The following THADA variants were observed in gnomAD, a reference collection of about 807,000 sequenced individuals.
The protein encoded by THADA is tRNA (32-2'-O)-methyltransferase regulator THADA.
THADA carries 213 observed loss-of-function variants against 219.8 expected under a neutral mutation model. The observed-to-expected ratio is 0.97, with a 90% CI of 0.87 to 1.09. The LOEUF (loss-of-function observed/expected upper bound fraction) is 1.09, where lower values mean the gene tolerates loss of function less well. Ranked by LOEUF, THADA falls within the 50% of genes least tolerant of loss-of-function variation. The pLI, the probability that THADA is intolerant of heterozygous loss-of-function variation, is 0.00. For synonymous variants in THADA, 1,018 were observed against 828.9 expected (o/e 1.23, Z -3.92); for missense variants, 2,956 against 2,311.3 (o/e 1.28, Z -5.72).
rs1433706123 is a variant in THADA at position 43,584,059 on chromosome 2, AG to A, written c.534-2132del. Among the ~76,000 whole-genome samples the A allele has an allele frequency of 2.8e-3, 421 of 148,256 alleles. 2 individuals carry two copies. The highest frequency in any genetic ancestry group is 0.01 in the African/African-American group (399 of 39,898). ...AATTAAAAAAAAAAAAAAAAAAAAA[AG>A]GAAAAATAAATGAAATAAGCCTGAC... is the stretch of plus-strand genomic sequence containing the variant. On this transcript the variant is annotated intron_variant, in intron 7 of 37. Transcript: ENST00000405975.
chr2:43,437,839 T>C (rs1680314160), intron 26 of THADA, among the ~76,000 whole-genome samples: 1 of 152,182 alleles, frequency 6.6e-6, no homozygotes, highest in Non-Finnish European at 1.5e-5. Context: ...GGGGAGAACA[T>C]TTGTATATAT....
chr2:43,544,324 G>C (rs941810679), intron 20 of THADA, among the ~76,000 whole-genome samples: 5 of 152,192 alleles, frequency 3.3e-5, no homozygotes, highest in South Asian at 2.1e-4. Flanking sequence ...CTCCAGCTTT[G>C]TTCTTTTGGC....
intron 21 of THADA, among the ~76,000 whole-genome samples, chr2:43,532,948 A>G (rs958626461): frequency 4.6e-5 from 7 of 152,252 alleles, no homozygotes; most frequent in African/African-American, 1.7e-4. Flanking sequence ...CAGAGTGAAC[A>G]GACAACCTAC....
chr2:43,426,956 G>A (rs915118078), intron 28 of THADA, among the ~76,000 whole-genome samples: 5 of 152,140 alleles, frequency 3.3e-5, no homozygotes, highest in African/African-American at 1.2e-4. Context: ...ACATATTTAG[G>A]CCTTTGATCC....
rs1218079783 is a variant in THADA at position 43,520,713 on chromosome 2, T to TATATATATACACACAC, written c.3374+7165_3374+7166insGTGTGTGTATATATAT. 4.0e-4 allele frequency among the ~76,000 whole-genome samples: 50 copies of TATATATATACACACAC among 125,116 alleles called. 1 individual carries two copies. The highest frequency in any genetic ancestry group is 1.5e-3 in the African/African-American group (49 of 33,628). 82.1% of individuals were successfully genotyped at this position (125,116 alleles called of 152,430 possible). A position where few individuals can be genotyped will look rare whatever the true frequency, so the allele number is the denominator to read the frequency against. On this transcript the variant is annotated intron_variant, in intron 22 of 37. Transcript: ENST00000405975. ...TCAAATATTTATACGTATATATATATACACACACACACACACACACACACA... is the reference window on the plus strand; with the variant it reads ...TCAAATATTTATACGTATATATATATATATATATACACACACACACACACACACACACACACACACA...
In THADA at chr2:43,465,015, G is replaced by A. The variant is rs556993700; in HGVS notation, c.3836+20219C>T. Among the ~76,000 whole-genome samples, 3 of 152,248 alleles carry A rather than the reference G, an allele frequency of 2.0e-5. No homozygotes were observed. The East Asian group carries it at 5.8e-4, about 29-fold the overall frequency. On this transcript the variant is annotated intron_variant, in intron 26 of 37. Coordinates refer to ENST00000405975, the MANE Select transcript of THADA (RefSeq NM_022065.5). ...AAGATAAAAGCTGGTATATTTGGATGAAAAGAATCTTTTCCCTTAACATAT... is the reference window on the plus strand; with the variant it reads ...AAGATAAAAGCTGGTATATTTGGATAAAAAGAATCTTTTCCCTTAACATAT...
intron 29 of THADA, among the ~76,000 whole-genome samples, chr2:43,396,910 T>C (rs775990044): frequency 6.6e-6 from 1 of 152,166 alleles, no homozygotes; most frequent in Non-Finnish European, 1.5e-5. Flanking sequence ...CATTATAGTA[T>C]AGGTTTATTA....
intron 36 of THADA, among the ~76,000 whole-genome samples, chr2:43,265,708 C>T (rs1388904471): frequency 6.6e-6 from 1 of 152,178 alleles, no homozygotes; most frequent in Non-Finnish European, 1.5e-5. Context: ...CAGGCTGTAA[C>T]TCAAAACTTG....
At chr2:43,571,619 A>C in intron 13 of THADA, 88 bp downstream of exon 13, 1 of 1,373,682 alleles carries the variant, frequency 7.3e-7, no homozygotes. Flanking sequence ...GACCATTCCC[A>C]CACGCTCCCA....
intron 36 of THADA, among the ~76,000 whole-genome samples, chr2:43,248,497 G>T (rs556999558): frequency 4.6e-4 from 70 of 152,218 alleles, no homozygotes; most frequent in African/African-American, 1.6e-3. Context: ...CTCCCAAAGT[G>T]CTGGGATTAT....
chr2:43,487,489 C>T (rs1022591216), intron 25 of THADA, among the ~76,000 whole-genome samples: 24 of 152,128 alleles, frequency 1.6e-4, no homozygotes, highest in African/African-American at 5.3e-4. Context: ...AATAGACTGA[C>T]GGCAGGAGAC....
chr2:43,434,247 G>A (rs1373504745), intron 26 of THADA, among the ~76,000 whole-genome samples: 1 of 152,244 alleles, frequency 6.6e-6, no homozygotes, highest in Non-Finnish European at 1.5e-5. Context: ...GAAACGTAGT[G>A]TGGTAACTGA....
At chr2:43,274,707 C>T (rs897125214) in intron 36 of THADA, among the ~76,000 whole-genome samples, 38 of 152,084 alleles carry the variant, frequency 2.5e-4, no homozygotes, top group African/African-American at 9.2e-4. Flanking sequence ...TTTTACATGA[C>T]TTTTTGTGGG....
chr2:43,397,811 A>G (rs575006708), intron 29 of THADA, among the ~76,000 whole-genome samples, 160 bp downstream of exon 29: 2 of 152,346 alleles, frequency 1.3e-5, no homozygotes, highest in East Asian at 1.9e-4. Context: ...TGAAAAAAGT[A>G]TAACTAGGAG....
chr2:43,350,196 C>T (rs532943381), intron 29 of THADA, among the ~76,000 whole-genome samples: 7 of 152,176 alleles, frequency 4.6e-5, no homozygotes, highest in Admixed American at 3.9e-4. Context: ...AACAGAACTG[C>T]AGGCAGGCAG....
chr2:43,326,674 A>G (rs1679374030), intron 30 of THADA, among the ~76,000 whole-genome samples: 1 of 152,320 alleles, frequency 6.6e-6, no homozygotes, highest in Non-Finnish European at 1.5e-5. Context: ...GGATGAGTCA[A>G]CAGGGGCCCG....
rs533134426 is a variant in THADA at position 43,365,407 on chromosome 2, C to G, written c.4228-21170G>C. 4.6e-5 allele frequency among the ~76,000 whole-genome samples: 7 copies of G among 152,010 alleles called. No individual in the cohort carries two copies. In the South Asian group the frequency reaches 1.5e-3, roughly 32 times the overall value. ...CCAATAGAGTGAAACCCCGTCTCCA[C>G]TAAAAATACAAAAATTAGCTGGGCG... On this transcript the variant is annotated intron_variant, in intron 29 of 37. Transcript: ENST00000405975.
At chr2:43,350,152 T>G (rs1227208764) in intron 29 of THADA, among the ~76,000 whole-genome samples, 7 of 152,176 alleles carry the variant, frequency 4.6e-5, no homozygotes, top group Non-Finnish European at 5.9e-5. Flanking sequence ...TAGTTGGGAA[T>G]GTGAATATTT....
rs1285983940 is a variant in THADA at position 43,572,801 on chromosome 2, T to G, written c.1908+13A>C. On this transcript the variant is annotated intron_variant, in intron 12 of 37. Coordinates refer to ENST00000405975, the MANE Select transcript of THADA (RefSeq NM_022065.5). ...TACTGCATGTACAAATCCAGGTAAT[T>G]TTCTTTACTTACTTGGCAATGCTGA... The G allele has an allele frequency of 6.2e-7, 1 of 1,611,854 alleles. No individual in the cohort carries two copies. Among genetic ancestry groups the G allele is most frequent in the Non-Finnish European group, 8.5e-7 (1 of 1,178,918 alleles).
Sources: allele counts gnomAD v4.1 joint callset (sites outside exome capture counted in the v4.1 genomes callset), GRCh38; gene constraint gnomAD v4.1.1; transcripts MANE v1.5; gene names NCBI Gene and HGNC (gene_info 2026-07-23, HGNC 2026-07-21).